The following DDX31 variants were observed in gnomAD, a reference collection of about 807,000 sequenced individuals.
DDX31 encodes ATP-dependent DNA helicase DDX31.
DDX31 carries 70 observed loss-of-function variants against 91.3 expected under a neutral mutation model. That is an observed-to-expected ratio of 0.77 (90% CI 0.63 to 0.94). The LOEUF is 0.94. Ranked by LOEUF, DDX31 falls within the 40% of genes least tolerant of loss-of-function variation. The probability of loss-of-function intolerance (pLI) is 0.00; values close to 1 mark genes in which losing one functional copy is unlikely to be tolerated. For missense variants in DDX31, 902 were observed against 925.0 expected (o/e 0.98, Z 0.32); for synonymous variants, 362 against 350.6 (o/e 1.03, Z -0.36).
intron 19 of DDX31, among the ~76,000 whole-genome samples, chr9:132,606,906 G>C (rs1348038067): frequency 6.6e-6 from 1 of 152,194 alleles, no homozygotes; most frequent in African/African-American, 2.4e-5. Context: ...ATTGCTGAAT[G>C]AGCAAGGGTG....
chr9:132,664,727 A>C (rs1835200296), intron 1 of DDX31, among the ~76,000 whole-genome samples: 1 of 151,524 alleles, frequency 6.6e-6, no homozygotes, highest in East Asian at 1.9e-4. Flanking sequence ...AAAAAAAAAA[A>C]AAAAAAAAAA....
intron 14 of DDX31, among the ~76,000 whole-genome samples, chr9:132,637,422 G>C (rs944504643): frequency 6.6e-6 from 1 of 152,262 alleles, no homozygotes; most frequent in African/African-American, 2.4e-5. Flanking sequence ...TGAGACCTAG[G>C]AGTACAGATG....
rs1355362698 is a variant in DDX31 at position 132,669,981 on chromosome 9, A to C, written c.-47T>G. The stretch of plus-strand genomic sequence containing the variant: ...GTGCAGCAGCGAGCCCGGTGCGCAG[A>C]CTGCTGGGCCCGGGACCCCACGTGG... On this transcript the variant is annotated 5_prime_UTR_variant, in exon 1 of 20. Coordinates refer to ENST00000372159, the MANE Select transcript of DDX31 (RefSeq NM_022779.9). 3.8e-6 allele frequency: 6 copies of C among 1,574,458 alleles called. No individual in the cohort carries two copies. The highest frequency in any genetic ancestry group is 5.2e-6 in the Non-Finnish European group (6 of 1,161,322).
At chr9:132,608,395 C>G (rs553054647) in intron 19 of DDX31, among the ~76,000 whole-genome samples, 1 of 152,182 alleles carries the variant, frequency 6.6e-6, no homozygotes, top group Admixed American at 6.5e-5. Flanking sequence ...TTTGGGGCCA[C>G]GAACTATTTA....
chr9:132,656,168 T>C (rs1590090200), intron 6 of DDX31, among the ~76,000 whole-genome samples: 2 of 152,282 alleles, frequency 1.3e-5, no homozygotes, highest in East Asian at 3.9e-4. Flanking sequence ...TCTCACGCCA[T>C]CACCAAAGTA....
In DDX31 at chr9:132,645,967, C is replaced by T. The variant is rs200888305; in HGVS notation, c.1308G>A (p.Pro436=). The change falls in exon 13 of 20, where the codon CCG becomes CCA. Residue 436 remains proline, a synonymous_variant. Coordinates refer to ENST00000372159, the MANE Select transcript of DDX31 (RefSeq NM_022779.9). ...LQTLLSSSGA[P]ASGQLPSASM... is the part of the protein sequence containing the mutation. The stretch of plus-strand genomic sequence containing the variant: ...AGGCAGATGGCAACTGCCCTGATGC[C>T]GGCGCCCCTGAGCTGCTCAGCAGGG... 35 of 1,613,958 alleles carry T rather than the reference C, an allele frequency of 2.2e-5. No homozygotes were observed. The African/African-American group carries it at 3.5e-4, about 16-fold the overall frequency.
chr9:132,652,971 A>G (rs549245734), intron 6 of DDX31, among the ~76,000 whole-genome samples: 68 of 152,278 alleles, frequency 4.5e-4, no homozygotes, highest in African/African-American at 1.6e-3. Context: ...CAGCAGTGTA[A>G]AAATGGACTA....
chr9:132,662,570 C>A lies in DDX31; in HGVS notation c.201G>T (p.Lys67Asn), dbSNP rs1385616080. 1.9e-6 allele frequency: 3 copies of A among 1,614,210 alleles called. No individual in the cohort carries two copies. The highest frequency in any genetic ancestry group is 2.5e-6 in the Non-Finnish European group (3 of 1,180,028). ...TSVKETQRTF[K>N]GNAQKMFSPK... ...GAGAAAACATTTTTTGTGCGTTCCC[C>A]TTAAAAGTCCTCTGAGTTTCTTTAA... Residue 67 changes from lysine to asparagine, a missense_variant, in exon 2 of 20, where the codon AAG becomes AAT. By Grantham distance (94) the Lys-to-Asn change is moderately conservative (BLOSUM62 0). Coordinates refer to ENST00000372159, the MANE Select transcript of DDX31 (RefSeq NM_022779.9).
At chr9:132,645,756 C>T (rs913311457) in intron 13 of DDX31, 139 bp downstream of exon 13, 5 of 934,392 alleles carry the variant, frequency 5.4e-6, no homozygotes, top group Non-Finnish European at 7.6e-6. Context: ...ATTTTCGTCT[C>T]ATTCTTGACT....
intron 1 of DDX31, among the ~76,000 whole-genome samples, chr9:132,667,031 T>C (rs1047732799): frequency 2.0e-5 from 3 of 150,934 alleles, no homozygotes; most frequent in Non-Finnish European, 4.4e-5. Context: ...GTATTTTTAG[T>C]AGAGATGGGG....
At chr9:132,632,256 A>ACACACACACACACACAGTCCTG (rs1832813422) in intron 14 of DDX31, among the ~76,000 whole-genome samples, 165 bp from the exon 15 acceptor site, 1 of 109,008 alleles carries the variant, frequency 9.2e-6, no homozygotes. Flanking sequence ...ACACACACAC[A>ACACACACACACACACAGTCCTG]CACACACACA....
intron 19 of DDX31, among the ~76,000 whole-genome samples, chr9:132,598,768 C>T (rs534702019): frequency 1.3e-5 from 2 of 152,156 alleles, no homozygotes; most frequent in Non-Finnish European, 2.9e-5. Context: ...TAGTTTCTTC[C>T]ATGTTTTATG....
chr9:132,610,592 G>A (rs1831266874), intron 19 of DDX31, among the ~76,000 whole-genome samples: 1 of 151,998 alleles, frequency 6.6e-6, no homozygotes, highest in South Asian at 2.1e-4. Flanking sequence ...TTCATCTGCA[G>A]GGCCCTATAT....
chr9:132,632,279 C>CACACACACACACACACACAG lies in DDX31; in HGVS notation c.1441-208_1441-189dup, dbSNP rs1832831218. 2.0e-5 allele frequency among the ~76,000 whole-genome samples: 3 copies of CACACACACACACACACACAG among 147,476 alleles called. No homozygotes were observed. In the South Asian group the frequency reaches 6.4e-4, roughly 32 times the overall value. ...ACACACACACACACACACACACACA[C>CACACACACACACACACACAG]ACACACACACACACACACAGTCCTG... On this transcript the variant is annotated intron_variant, in intron 14 of 19. Coordinates refer to ENST00000372159, the MANE Select transcript of DDX31 (RefSeq NM_022779.9).
chr9:132,616,092 G>A (rs1831609632), intron 18 of DDX31, among the ~76,000 whole-genome samples: 1 of 152,204 alleles, frequency 6.6e-6, no homozygotes, highest in Non-Finnish European at 1.5e-5. Context: ...TACATTTAGG[G>A]TGGCAAATAC....
intron 5 of DDX31, 63 bp from the exon 6 acceptor site, chr9:132,658,798 AG>A: frequency 6.8e-7 from 1 of 1,481,236 alleles, no homozygotes; most frequent in Non-Finnish European, 9.3e-7. Flanking sequence ...AGAAAAGCAA[AG>A]GATGTAAAGG....
At chr9:132,606,150 G>C (rs906377276) in intron 19 of DDX31, among the ~76,000 whole-genome samples, 1 of 152,176 alleles carries the variant, frequency 6.6e-6, no homozygotes, top group Non-Finnish European at 1.5e-5. Context: ...CTCCAAGTGT[G>C]GTTTCGTCCA....
chr9:132,624,915 G>A (rs994766225), intron 17 of DDX31, among the ~76,000 whole-genome samples: 2 of 152,164 alleles, frequency 1.3e-5, no homozygotes, highest in Admixed American at 1.3e-4. Context: ...TCTTAAGCTT[G>A]ATCTATCTGG....
chr9:132,632,242 A>ACG (rs1832797475), intron 14 of DDX31, 151 bp from the exon 15 acceptor site: 3 of 175,482 alleles, frequency 1.7e-5, no homozygotes, highest in Admixed American at 1.1e-4. Flanking sequence ...CAGTACGTGT[A>ACG]CACACACACA....
Sources: allele counts gnomAD v4.1 joint callset (sites outside exome capture counted in the v4.1 genomes callset), GRCh38; gene constraint gnomAD v4.1.1; transcripts MANE v1.5; gene names NCBI Gene and HGNC (gene_info 2026-07-23, HGNC 2026-07-21).